NOTCH2: variants seen among roughly 807,000 people sequenced by gnomAD.
The protein encoded by NOTCH2 is notch receptor 2, also known as neurogenic locus notch homolog protein 2.
Under a neutral mutation model 235.8 loss-of-function variants are expected in NOTCH2, and 29 were observed. That is an observed-to-expected ratio of 0.12 (90% CI 0.09 to 0.17). NOTCH2 has a LOEUF of 0.17. NOTCH2 is among the 10% of genes least tolerant of loss of function. The pLI is 1.00. For synonymous variants in NOTCH2, 1,086 were observed against 1,141.5 expected, an observed-to-expected ratio of 0.95 and a Z score of 0.98; for missense variants, 2,285 against 3,150.2, an observed-to-expected ratio of 0.73 and a Z score of 6.57.
At chr1:119,986,421 C>T (rs968527050) in intron 5 of NOTCH2, among the ~76,000 whole-genome samples, 1 of 151,906 alleles carries the variant, frequency 6.6e-6, no homozygotes, top group Non-Finnish European at 1.5e-5. Context: ...TGTTCGTGTA[C>T]AAAAAGGGAT....
At position 119,979,945 on chromosome 1, in the gene NOTCH2, AG is replaced by A. The variant is rs587670841; in HGVS notation, c.874+7014del. Among the ~76,000 whole-genome samples, 140 of 152,300 alleles carry A rather than the reference AG, an allele frequency of 9.2e-4. 1 individual carries two copies. Among genetic ancestry groups the A allele is most frequent in the African/African-American group, 3.2e-3 (134 of 41,542 alleles). On this transcript the variant is annotated intron_variant, in intron 5 of 33. Transcript: ENST00000256646. ...TGAAGTCCTTTAAAAATTAAAAAAA[AG>A]ACATAGTATAATATAAATTATCACA...
At chr1:119,932,820 G>C (rs1396829928) in intron 22 of NOTCH2, among the ~76,000 whole-genome samples, 1 of 152,086 alleles carries the variant, frequency 6.6e-6, no homozygotes, top group Non-Finnish European at 1.5e-5. Flanking sequence ...AATTCTGAAG[G>C]ATACAGTTTT....
chr1:119,915,636 G>A lies in NOTCH2; in HGVS notation c.7086C>T (p.Asp2362=), dbSNP rs150657714. The A allele has an allele frequency of 3.0e-4, 483 of 1,613,932 alleles. 1 individual carries two copies. Among genetic ancestry groups the A allele is most frequent in the Non-Finnish European group, 8.4e-5 (99 of 1,180,034 alleles). ...GGAGAATGGTCTGAGCTACCTGCCC[G>A]TCCTGCTGGGGCATCATGGCAGTGG... The part of the protein sequence containing the change: ...AFPTAMMPQQ[D]GQVAQTILPA... The change falls in exon 34 of 34, where the codon GAC becomes GAT. Residue 2362 remains aspartate, a synonymous_variant. Transcript: ENST00000256646.
chr1:119,915,766 G>A lies in NOTCH2; in HGVS notation c.6956C>T (p.Ala2319Val), dbSNP rs373527990. The A allele has an allele frequency of 4.9e-5, 79 of 1,608,192 alleles. 1 individual carries two copies. The highest frequency in any genetic ancestry group is 3.3e-4 in the Middle Eastern group (2 of 6,040). The change falls in exon 34 of 34, where the codon GCG (alanine) becomes GTG (valine). Residue 2319 changes from alanine to valine, a missense_variant. Physicochemically the swap from Ala to Val is moderately conservative, Grantham distance 64 (BLOSUM62 0). Transcript: ENST00000256646. ...GGTGGACTGAGGCTGGGGAGCCCCC[G>A]CTGGTTGGGCAATACTGCCTTTAGG... Reference protein sequence around the residue: ...LIPKGSIAQPAGAPQPQSTCP... With the variant: ...LIPKGSIAQPVGAPQPQSTCP...
At chr1:119,947,398 G>A (rs2101112946) in intron 17 of NOTCH2, among the ~76,000 whole-genome samples, 1 of 152,208 alleles carries the variant, frequency 6.6e-6, no homozygotes, top group South Asian at 2.1e-4. Flanking sequence ...GATGGGCAAA[G>A]CACACGAAAT....
At position 119,913,482 on chromosome 1, in the gene NOTCH2, G is replaced by A. The variant is rs1480776531; in HGVS notation, c.*1824C>T. 3 of 233,192 alleles carry A rather than the reference G, an allele frequency of 1.3e-5. No individual in the cohort carries two copies. The highest frequency in any genetic ancestry group is 5.6e-5 in the Admixed American group (1 of 17,784). The allele number at this position is 233,192 out of a possible 1,614,324, so 14.4% of individuals were successfully genotyped here. On this transcript the variant is annotated 3_prime_UTR_variant, in exon 34 of 34. Coordinates refer to ENST00000256646, the MANE Select transcript of NOTCH2 (RefSeq NM_024408.4). ...TTAATATCTACAAAATGCCCAGGCA[G>A]AACTTATTTTGCAGGTGTCATGGGC...
intron 22 of NOTCH2, among the ~76,000 whole-genome samples, chr1:119,933,084 T>C (rs1040653055): frequency 1.3e-5 from 2 of 152,174 alleles, no homozygotes; most frequent in African/African-American, 2.4e-5. Flanking sequence ...TATTTGATAT[T>C]TAGGGATTGC....
intron 20 of NOTCH2, 114 bp downstream of exon 20, chr1:119,937,743 C>G (rs187595273): frequency 8.4e-7 from 1 of 1,187,582 alleles, no homozygotes; most frequent in African/African-American, 1.5e-5. Context: ...GCCCTGCCCA[C>G]CCACTACTAT....
At chr1:119,962,062 G>C (rs1157682069) in intron 11 of NOTCH2, among the ~76,000 whole-genome samples, 1 of 152,082 alleles carries the variant, frequency 6.6e-6, no homozygotes, top group South Asian at 2.1e-4. Flanking sequence ...AACATCTTTG[G>C]CAGGTTCTGA....
chr1:119,932,465 T>TA (rs1649700373), intron 22 of NOTCH2, among the ~76,000 whole-genome samples: 1 of 152,058 alleles, frequency 6.6e-6, no homozygotes, highest in South Asian at 2.1e-4. Flanking sequence ...CACATGCCTG[T>TA]AATCCCAGCT....
chr1:119,938,481 C>T (rs1553196050), intron 19 of NOTCH2, among the ~76,000 whole-genome samples: 1 of 152,044 alleles, frequency 6.6e-6, no homozygotes, highest in East Asian at 1.9e-4. Context: ...AATAGCAGTC[C>T]TAGTGGTGGC....
At chr1:119,928,005 GACTC>G (rs1030274476) in intron 23 of NOTCH2, among the ~76,000 whole-genome samples, 83 of 152,222 alleles carry the variant, frequency 5.5e-4, no homozygotes, top group Admixed American at 1.4e-3. Context: ...CCTATTTTCT[GACTC>G]CTAAGGAATC....
Position 119,919,404 on chromosome 1 carries a change from G to A in NOTCH2, c.5689C>T (p.Leu1897=), listed in dbSNP as rs760525953. The change falls in exon 31 of 34, where the codon CTG becomes TTG. Residue 1897 remains leucine, a synonymous_variant. Transcript: ENST00000256646. ...YSRADAAKRL[L]DAGADANAQD... ...GCATTGGCATCTGCACCTGCATCCA[G>A]GAGACGCTTGGCAGCATCAGCCCGT... 1.2e-6 allele frequency: 2 copies of A among 1,613,846 alleles called. No homozygotes were observed. Among genetic ancestry groups the A allele is most frequent in the Non-Finnish European group, 1.7e-6 (2 of 1,180,046 alleles).
chr1:119,933,849 G>A (rs1169494263), intron 22 of NOTCH2, among the ~76,000 whole-genome samples: 11 of 152,164 alleles, frequency 7.2e-5, no homozygotes. Flanking sequence ...CTCCCTTGAA[G>A]TCACAGAGAC....
chr1:119,972,922 G>C (rs1209862811), intron 5 of NOTCH2, among the ~76,000 whole-genome samples: 2 of 152,136 alleles, frequency 1.3e-5, no homozygotes, highest in Non-Finnish European at 2.9e-5. Flanking sequence ...GGATGGAGGA[G>C]GTGAGGACTC....
intron 26 of NOTCH2, 137 bp downstream of exon 26, chr1:119,923,500 A>G: frequency 1.3e-6 from 1 of 782,788 alleles, no homozygotes; most frequent in Non-Finnish European, 2.2e-6. Context: ...TACTGGGGTA[A>G]CGGGTTTATC....
intron 5 of NOTCH2, among the ~76,000 whole-genome samples, chr1:119,979,529 C>G (rs896814132): frequency 1.3e-5 from 2 of 152,104 alleles, no homozygotes; most frequent in Admixed American, 6.6e-5. Context: ...CATTTTTTGA[C>G]TAACCAAATG....
intron 5 of NOTCH2, among the ~76,000 whole-genome samples, chr1:119,984,286 G>GA (rs1405130585): frequency 6.6e-5 from 10 of 152,012 alleles, no homozygotes; most frequent in Non-Finnish European, 1.2e-4. Flanking sequence ...ATTTTATATA[G>GA]AAAAAAGACT....
intron 1 of NOTCH2, among the ~76,000 whole-genome samples, chr1:120,060,684 C>T (rs372549145): frequency 1.3e-5 from 2 of 151,212 alleles, no homozygotes; most frequent in African/African-American, 2.4e-5. Flanking sequence ...AGTATAAATA[C>T]GAGTTAATTA....
Sources: gnomAD v4.1 joint callset for allele counts (sites outside exome capture counted in the v4.1 genomes callset) on GRCh38, gnomAD v4.1.1 for gene constraint, MANE v1.5 for transcripts, NCBI Gene and HGNC (gene_info 2026-07-23, HGNC 2026-07-21) for gene names.